MYO5C: variants seen among roughly 807,000 people sequenced by gnomAD.
MYO5C encodes myosin VC.
MYO5C carries 194 observed loss-of-function variants against 235.7 expected under a neutral mutation model. The observed-to-expected ratio is 0.82, with a 90% CI of 0.73 to 0.93. MYO5C has a LOEUF of 0.93. MYO5C is among the 40% of genes least tolerant of loss of function. MYO5C has a pLI of 0.00. For missense variants in MYO5C, 2,038 were observed against 2,127.2 expected (o/e 0.96, Z 0.82); for synonymous variants, 707 against 754.8 (o/e 0.94, Z 1.04).
intron 11 of MYO5C, among the ~76,000 whole-genome samples, chr15:52,253,896 C>G (rs1206948715): frequency 6.7e-6 from 1 of 149,766 alleles, no homozygotes; most frequent in Non-Finnish European, 1.5e-5. Flanking sequence ...GCACTACTCA[C>G]TTGGGCTGTA....
chr15:52,222,669 T>G (rs1366885011), intron 29 of MYO5C, among the ~76,000 whole-genome samples: 1 of 152,014 alleles, frequency 6.6e-6, no homozygotes, highest in Non-Finnish European at 1.5e-5. Flanking sequence ...GAAGTATGCC[T>G]AGAGGGTCTT....
At chr15:52,257,838 A>G (rs2036614782) in intron 10 of MYO5C, among the ~76,000 whole-genome samples, 1 of 152,222 alleles carries the variant, frequency 6.6e-6, no homozygotes, top group African/African-American at 2.4e-5. Context: ...CTCCTATCAC[A>G]GGTCCCCTGG....
At chr15:52,239,121 T>C (rs896904108) in intron 21 of MYO5C, among the ~76,000 whole-genome samples, 4 of 151,936 alleles carry the variant, frequency 2.6e-5, no homozygotes, top group Non-Finnish European at 5.9e-5. Context: ...CCGGCTAATT[T>C]TGTATTTTTA....
At position 52,192,949 on chromosome 15, in the gene MYO5C, A is replaced by T. The variant is rs1411548788; in HGVS notation, c.*953T>A. On this transcript the variant is annotated 3_prime_UTR_variant, in exon 41 of 41. Coordinates refer to ENST00000261839, the MANE Select transcript of MYO5C (RefSeq NM_018728.4). Reference sequence around the variant, plus strand: ...ACGGCATGGCAATTAAGCTTTAATAATATATTAGTTTTAAATAGATATACA... The same window carrying T: ...ACGGCATGGCAATTAAGCTTTAATATTATATTAGTTTTAAATAGATATACA... 1 of 152,216 alleles carries T rather than the reference A, an allele frequency of 6.6e-6. No homozygotes were observed. The highest frequency in any genetic ancestry group is 2.4e-5 in the African/African-American group (1 of 41,454). 9.4% of individuals were successfully genotyped at this position (152,216 alleles called of 1,614,324 possible).
At chr15:52,277,168 CCCT>C (rs1194996174) in intron 4 of MYO5C, 1 of 530,666 alleles carries the variant, frequency 1.9e-6, no homozygotes, top group Non-Finnish European at 3.9e-6. Context: ...GTAATCCCAG[CCCT>C]GTTCTACAGC....
At chr15:52,289,013 T>C (rs2037334188) in intron 1 of MYO5C, among the ~76,000 whole-genome samples, 1 of 152,182 alleles carries the variant, frequency 6.6e-6, no homozygotes. Context: ...TGAAGACTTA[T>C]ATGGAAGATG....
chr15:52,219,251 A>G lies in MYO5C; in HGVS notation c.3785+508T>C, dbSNP rs71472931. On this transcript the variant is annotated intron_variant, in intron 31 of 40. Coordinates refer to ENST00000261839, the MANE Select transcript of MYO5C (RefSeq NM_018728.4). Reference sequence around the variant, plus strand: ...CAACAAAACAGAACATTCTCCCCACAAGGCTCTGCCAGGGCACGAGGCCCT... The same window carrying G: ...CAACAAAACAGAACATTCTCCCCACGAGGCTCTGCCAGGGCACGAGGCCCT... 5.4e-3 allele frequency among the ~76,000 whole-genome samples: 821 copies of G among 152,312 alleles called. 1 individual carries two copies. Among genetic ancestry groups the G allele is most frequent in the Non-Finnish European group, 8.2e-3 (560 of 68,024 alleles).
At chr15:52,225,340 C>T in intron 26 of MYO5C, 99 bp downstream of exon 26, 1 of 1,172,994 alleles carries the variant, frequency 8.5e-7, no homozygotes, top group Non-Finnish European at 1.3e-6. Context: ...ACCATATGTC[C>T]AACCAAATTC....
In MYO5C at chr15:52,254,990, T is replaced by C. The variant is rs2036550711; in HGVS notation, c.1396-1533A>G. On this transcript the variant is annotated intron_variant, in intron 11 of 40. Transcript: ENST00000261839. ...ACAATGGAATGAAATTTAATGGTTATACATGAATTAATTCTGGGCCAAAAA... is the reference window on the plus strand; with the variant it reads ...ACAATGGAATGAAATTTAATGGTTACACATGAATTAATTCTGGGCCAAAAA... Among the ~76,000 whole-genome samples the C allele has an allele frequency of 2.2e-5, 3 of 135,272 alleles. No individual in the cohort carries two copies. In the Admixed American group the frequency reaches 2.5e-4, roughly 11 times the overall value. 88.7% of individuals were successfully genotyped at this position (135,272 alleles called of 152,430 possible). A position where few individuals can be genotyped will look rare whatever the true frequency, so the allele number is the denominator to read the frequency against.
In MYO5C at chr15:52,242,161, G is replaced by A. The variant is rs2036239944; in HGVS notation, c.2443C>T (p.Gln815Ter). Residue 815 changes from glutamine to a stop codon, truncating the protein, a stop_gained, in exon 20 of 41, where the codon CAG becomes TAG. Coordinates refer to ENST00000261839, the MANE Select transcript of MYO5C (RefSeq NM_018728.4). LOFTEE classifies it high-confidence loss of function. ...LKEAWAAIIIQKHCRGYLVRS... is the reference protein window; with the variant it reads ...LKEAWAAIII ...ACAAGATACCCGCGGCAGTGCTTCT[G>A]AATGATTATGGCTGCCCAAGCTTCT... 2 of 1,614,136 alleles carry A rather than the reference G, an allele frequency of 1.2e-6. No homozygotes were observed. The highest frequency in any genetic ancestry group is 2.7e-5 in the African/African-American group (2 of 75,054).
At chr15:52,282,493 A>G (rs1055635408) in intron 2 of MYO5C, among the ~76,000 whole-genome samples, 3 of 152,230 alleles carry the variant, frequency 2.0e-5, no homozygotes, top group South Asian at 2.1e-4. Flanking sequence ...TCTCCCAGTA[A>G]TGCTGGGTGC....
rs2036680119 is a variant in MYO5C, at chr15:52,260,928, C to G, written c.1247G>C (p.Arg416Thr). ...YAHLFDFIVE[R>T]INQALQFSGK... ...TGAAAACTGCAACGCTTGGTTAATTCTCTCCACAATGAAGTCGAACAGGTG... is the reference window on the plus strand; with the variant it reads ...TGAAAACTGCAACGCTTGGTTAATTGTCTCCACAATGAAGTCGAACAGGTG... The change falls in exon 10 of 41, where the codon AGA becomes ACA. Residue 416 changes from arginine (R) to threonine (T), a missense_variant. Arg to Thr is a moderately conservative substitution (Grantham distance 71). Transcript: ENST00000261839. The G allele has an allele frequency of 1.2e-6, 2 of 1,614,214 alleles. No homozygotes were observed. The highest frequency in any genetic ancestry group is 4.5e-5 in the East Asian group (2 of 44,894).
chr15:52,290,976 G>A (rs1441252157), intron 1 of MYO5C, among the ~76,000 whole-genome samples: 1 of 152,156 alleles, frequency 6.6e-6, no homozygotes, highest in East Asian at 1.9e-4. Context: ...TCCTCATAGT[G>A]ACCTCCTCAG....
At position 52,193,972 on chromosome 15, in the gene MYO5C, G is replaced by C. The variant is rs202130148; in HGVS notation, c.5159C>G (p.Pro1720Arg). Residue 1720 changes from proline to arginine, a missense_variant, in exon 41 of 41, where the codon CCC becomes CGC. Coordinates refer to ENST00000261839, the MANE Select transcript of MYO5C (RefSeq NM_018728.4). ...AATCATTTCCAGAGCATGTGGAGAG[G>C]GGGTAAAAGGAAATGTGACTTGAAA... The part of the protein sequence containing the change: ...YLFQVTFPFT[P>R]SPHALEMIQI... The C allele has an allele frequency of 1.2e-4, 191 of 1,613,790 alleles. No individual in the cohort carries two copies. The Admixed American group carries it at 2.8e-3, about 24-fold the overall frequency.
In MYO5C at chr15:52,295,624, C is replaced by G; in HGVS notation, c.13G>C (p.Glu5Gln). 2 of 1,485,884 alleles carry G rather than the reference C, an allele frequency of 1.3e-6. No individual in the cohort carries two copies. The highest frequency in any genetic ancestry group is 1.8e-6 in the Non-Finnish European group (2 of 1,120,930). The allele number at this position is 1,485,884 out of a possible 1,614,324, so 92.0% of individuals were successfully genotyped here. Residue 5 changes from glutamate to glutamine, a missense_variant, in exon 1 of 41, where the codon GAG becomes CAG. Glu to Gln is a conservative substitution (Grantham distance 29). Coordinates refer to ENST00000261839, the MANE Select transcript of MYO5C (RefSeq NM_018728.4). The part of the protein sequence containing the change: MAVA[E>Q]LYTQYNRVWI... ...GACCCTCCTACCTGCGTGTACAGCT[C>G]GGCCACCGCCATGGGCAGGAGGGGC... is the stretch of plus-strand genomic sequence containing the variant.
At chr15:52,279,930 C>A (rs141345745) in intron 2 of MYO5C, among the ~76,000 whole-genome samples, 3 of 152,208 alleles carry the variant, frequency 2.0e-5, no homozygotes, top group Admixed American at 6.5e-5. Context: ...CTCTCATCTG[C>A]GAAGAGGAGC....
chr15:52,203,463 G>A (rs750393542), intron 38 of MYO5C, among the ~76,000 whole-genome samples: 4 of 151,836 alleles, frequency 2.6e-5, no homozygotes, highest in Non-Finnish European at 4.4e-5. Context: ...CTCCTGCCTC[G>A]GCCTCCCGAG....
chr15:52,211,988 A>G (rs1053914331), intron 34 of MYO5C, 104 bp from the exon 35 acceptor site: 9 of 1,186,492 alleles, frequency 7.6e-6, no homozygotes, highest in Non-Finnish European at 1.1e-5. Flanking sequence ...TGTGCTTGAC[A>G]CAGTGCCTGA....
intron 25 of MYO5C, among the ~76,000 whole-genome samples, chr15:52,228,377 C>T (rs1289962359): frequency 6.6e-6 from 1 of 152,180 alleles, no homozygotes; most frequent in Non-Finnish European, 1.5e-5. Flanking sequence ...CCCCTGACCT[C>T]ATGATCCACC....
Sources: allele counts gnomAD v4.1 joint callset (sites outside exome capture counted in the v4.1 genomes callset), GRCh38; gene constraint gnomAD v4.1.1; transcripts MANE v1.5; gene names NCBI Gene and HGNC (gene_info 2026-07-23, HGNC 2026-07-21).